Variants in FAM53A observed in about 807,000 individuals in gnomAD.
FAM53A encodes the protein family with sequence similarity 53 member A.
A neutral mutation model predicts 26.6 loss-of-function variants in FAM53A; 28 were observed. The observed-to-expected ratio is 1.05, with a 90% CI of 0.78 to 1.45. The LOEUF (loss-of-function observed/expected upper bound fraction) is 1.45, where lower values mean the gene tolerates loss of function less well. Ranked by LOEUF, FAM53A falls within the 40% of genes most tolerant of loss-of-function variation. FAM53A has a pLI of 0.00. For synonymous variants in FAM53A, 290 were observed against 253.1 expected, an observed-to-expected ratio of 1.15 and a Z score of -1.38; for missense variants, 650 against 575.8, an observed-to-expected ratio of 1.13 and a Z score of -1.32.
At chr4:1,624,428 A>G (rs1474724831) in intron 1 of FAM53A, among the ~76,000 whole-genome samples, 2 of 152,188 alleles carry the variant, frequency 1.3e-5, no homozygotes, top group Non-Finnish European at 2.9e-5. Flanking sequence ...CCCCCGAACC[A>G]CAAATGTGAC....
intron 3 of FAM53A, 118 bp from the exon 4 acceptor site, chr4:1,655,841 C>G: frequency 1.6e-6 from 2 of 1,233,144 alleles, no homozygotes; most frequent in Non-Finnish European, 2.1e-6. Flanking sequence ...TCGCCGCCAC[C>G]CCTGGGCGTG....
the FAM53A span, among the ~76,000 whole-genome samples, chr4:1,588,329 C>A: frequency 6.6e-6 from 1 of 152,168 alleles, no homozygotes; most frequent in African/African-American, 2.4e-5. Context: ...TTCTTCAGTG[C>A]CCTTCCCTTC....
the FAM53A span, among the ~76,000 whole-genome samples, chr4:1,592,761 A>AG: frequency 1.3e-5 from 2 of 152,114 alleles, no homozygotes; most frequent in African/African-American, 4.8e-5. Flanking sequence ...CGCAGAGCCC[A>AG]GGCAGCCCCT....
the FAM53A span, among the ~76,000 whole-genome samples, chr4:1,598,775 C>T: frequency 3.2e-4 from 48 of 152,302 alleles, no homozygotes; most frequent in Non-Finnish European, 5.3e-4. Context: ...TAAAATCATG[C>T]GGTTTAAGAG....
intron 1 of FAM53A, among the ~76,000 whole-genome samples, chr4:1,625,517 G>A (rs868744196): frequency 4.8e-5 from 3 of 62,436 alleles, no homozygotes; most frequent in East Asian, 3.9e-4. Flanking sequence ...CCCGGCCCAC[G>A]TGGTCAGGGG....
rs1038140776 is a variant in FAM53A, at chr4:1,630,281, A to G, written c.432-12170T>C. On this transcript the variant is annotated intron_variant, in intron 1 of 1. Transcript: ENST00000489029. The surrounding 1 kb of genome is among the most constrained non-coding windows in gnomAD (Gnocchi z 4.3). ...CACCCTGTCCTCTGAGCTGCCCGTG[A>G]CCAGGGGGTCAGAGCCCACCTTGGT... Among the ~76,000 whole-genome samples the G allele has an allele frequency of 6.6e-6, 1 of 152,196 alleles. No individual in the cohort carries two copies. The highest frequency in any genetic ancestry group is 1.9e-4 in the East Asian group (1 of 5,188).
At chr4:1,609,358 G>A in the FAM53A span, among the ~76,000 whole-genome samples, 1 of 152,212 alleles carries the variant, frequency 6.6e-6, no homozygotes, top group Middle Eastern at 3.4e-3. Flanking sequence ...GCCCAGGCCT[G>A]CACCTGCCCC....
downstream of FAM53A, among the ~76,000 whole-genome samples, chr4:1,615,258 T>C (rs1336793862): frequency 7.3e-6 from 1 of 136,516 alleles, no homozygotes; most frequent in African/African-American, 2.9e-5. Flanking sequence ...GAAGACAGGA[T>C]GTGGCCACGC....
chr4:1,638,521 G>A (rs551333143), downstream of FAM53A, among the ~76,000 whole-genome samples: 6 of 152,128 alleles, frequency 3.9e-5, no homozygotes, highest in African/African-American at 9.6e-5. Flanking sequence ...CCAGCCAGCC[G>A]GAAAGGTTCT....
the FAM53A span, among the ~76,000 whole-genome samples, chr4:1,582,301 T>C: frequency 6.6e-6 from 1 of 152,212 alleles, no homozygotes; most frequent in African/African-American, 2.4e-5. Flanking sequence ...CAGGGCATGC[T>C]GCCTAGCAGG....
chr4:1,621,101 C>CTTTTT (rs574102929), intron 1 of FAM53A, among the ~76,000 whole-genome samples: 10 of 95,522 alleles, frequency 1.0e-4, no homozygotes, highest in Admixed American at 4.3e-4. Context: ...AGCTACGCTA[C>CTTTTT]TTTTTTTTTT....
At chr4:1,654,418 G>A (rs1489796585) in intron 4 of FAM53A, among the ~76,000 whole-genome samples, 1 of 152,372 alleles carries the variant, frequency 6.6e-6, no homozygotes, top group African/African-American at 2.4e-5. Context: ...GGGTGGCACT[G>A]AGAATCTTCA....
chr4:1,643,055 C>T (rs1359597890), intron 4 of FAM53A, among the ~76,000 whole-genome samples: 1 of 152,230 alleles, frequency 6.6e-6, no homozygotes, highest in African/African-American at 2.4e-5. Flanking sequence ...CAAGGAAACA[C>T]CCCACAGACG....
the FAM53A span, among the ~76,000 whole-genome samples, chr4:1,611,754 A>G: frequency 1.3e-5 from 2 of 152,160 alleles, no homozygotes; most frequent in Admixed American, 1.3e-4. Flanking sequence ...GGCCATGCCA[A>G]AGGTTCTCAG....
At chr4:1,596,781 G>C in the FAM53A span, among the ~76,000 whole-genome samples, 9 of 152,232 alleles carry the variant, frequency 5.9e-5, no homozygotes, top group African/African-American at 1.2e-4. Flanking sequence ...AAGACAGAGA[G>C]AGAGAGAGAC....
At chr4:1,637,299 G>A (rs943536307), downstream of FAM53A, among the ~76,000 whole-genome samples, 1 of 152,172 alleles carries the variant, frequency 6.6e-6, no homozygotes, top group Admixed American at 6.5e-5. Context: ...TGAGGCCCTG[G>A]CACAGAGGCT....
intron 1 of FAM53A, among the ~76,000 whole-genome samples, chr4:1,625,170 C>G (rs534945779): frequency 6.6e-5 from 2 of 30,522 alleles, no homozygotes; most frequent in Admixed American, 6.6e-4. Flanking sequence ...TCCCGGCCCA[C>G]GTGGTCAGGG....
the FAM53A span, among the ~76,000 whole-genome samples, chr4:1,609,606 G>A: frequency 6.6e-6 from 1 of 152,024 alleles, no homozygotes; most frequent in Non-Finnish European, 1.5e-5. Flanking sequence ...GTGAAGAGGC[G>A]CCTTCCATCA....
At chr4:1,624,693 C>A (rs116386137) in intron 1 of FAM53A, among the ~76,000 whole-genome samples, 481 of 152,338 alleles carry the variant, frequency 3.2e-3, no homozygotes, top group Non-Finnish European at 5.7e-3. Flanking sequence ...CGCCACGCTG[C>A]GGGTCTGGCT....
Sources: gnomAD v4.1 joint callset for allele counts (sites outside exome capture counted in the v4.1 genomes callset) on GRCh38, gnomAD v4.1.1 for gene constraint, Gnocchi (gnomAD v3.1) non-coding constraint, MANE v1.5 for transcripts, NCBI Gene and HGNC (gene_info 2026-07-23, HGNC 2026-07-21) for gene names.